Variants in HRK observed in about 807,000 individuals in gnomAD.
HRK encodes activator of apoptosis harakiri.
Under a neutral mutation model 5.9 loss-of-function variants are expected in HRK, and 6 were observed. That is an observed-to-expected ratio of 1.02 (90% CI 0.56 to 2.01). HRK has a LOEUF of 2.01. Ranked by LOEUF, HRK falls within the 30% of genes most tolerant of loss-of-function variation. The pLI, the probability that HRK is intolerant of heterozygous loss-of-function variation, is 0.00. For missense variants in HRK, 133 were observed against 128.3 expected, an observed-to-expected ratio of 1.04 and a Z score of -0.18; for synonymous variants, 85 against 65.1, an observed-to-expected ratio of 1.31 and a Z score of -1.47.
chr12:116,871,425 C>T (rs1878743726), intron 1 of HRK, among the ~76,000 whole-genome samples: 1 of 151,332 alleles, frequency 6.6e-6, no homozygotes, highest in African/African-American at 2.4e-5. Flanking sequence ...GCCTCAGCCT[C>T]CCAAGTAGCT....
intron 1 of HRK, among the ~76,000 whole-genome samples, chr12:116,873,612 A>G (rs1033226093): frequency 3.9e-5 from 6 of 151,978 alleles, no homozygotes; most frequent in Non-Finnish European, 7.4e-5. Context: ...GGCTCAAGCA[A>G]TCTTCCCACC....
rs1215534376 is a variant in HRK at position 116,856,243 on chromosome 12, G to A, written c.*5280C>T. 3 of 152,186 alleles carry A rather than the reference G, an allele frequency of 2.0e-5. No homozygotes were observed. Among genetic ancestry groups the A allele is most frequent in the Non-Finnish European group, 4.4e-5 (3 of 68,032 alleles). The allele number at this position is 152,186 out of a possible 1,614,324, so 9.4% of individuals were successfully genotyped here. On this transcript the variant is annotated 3_prime_UTR_variant, in exon 2 of 2. Coordinates refer to ENST00000257572, the MANE Select transcript of HRK (RefSeq NM_003806.4). The surrounding 1 kb of genome is among the most constrained non-coding windows in gnomAD (Gnocchi z 4.4). ...CTTACAAAAGAGCACAACGACGTCA[G>A]AACCAACAACGTCAGAACCCAGAAC...
rs1879150582 is a variant in HRK, at chr12:116,881,331, C to G, written c.-24G>C. ...ATGACCGCTGGCCTCGCTCCCGCCC[C>G]GCGCTCGGGCCGCCCCTCGCCTCCT... On this transcript the variant is annotated 5_prime_UTR_variant, in exon 1 of 2. Transcript: ENST00000257572. 7.5e-6 allele frequency: 8 copies of G among 1,063,430 alleles called. No homozygotes were observed. Among genetic ancestry groups the G allele is most frequent in the Non-Finnish European group, 7.9e-6 (7 of 881,816 alleles). 65.9% of individuals were successfully genotyped at this position (1,063,430 alleles called of 1,614,324 possible).
chr12:116,869,489 C>T (rs1878668507), intron 1 of HRK: 1 of 152,216 alleles, frequency 6.6e-6, no homozygotes, highest in South Asian at 2.1e-4. Flanking sequence ...ACATAGTGCT[C>T]CTCCAGCACA....
chr12:116,865,339 C>A (rs746542876), intron 1 of HRK, among the ~76,000 whole-genome samples: 31 of 151,944 alleles, frequency 2.0e-4, no homozygotes, highest in Non-Finnish European at 4.1e-4. Context: ...CCAGCCTGGG[C>A]AACATGGCAA....
intron 1 of HRK, among the ~76,000 whole-genome samples, chr12:116,869,952 C>T (rs1878686781): frequency 6.6e-6 from 1 of 152,074 alleles, no homozygotes; most frequent in South Asian, 2.1e-4. Flanking sequence ...TGGTGGTGGG[C>T]ACCTGTAATC....
chr12:116,880,696 GCTGAAGTCCT>G (rs1478427219), intron 1 of HRK, among the ~76,000 whole-genome samples: 2 of 152,098 alleles, frequency 1.3e-5, no homozygotes, highest in South Asian at 4.2e-4. Context: ...GATTATGGAG[GCTGAAGTCCT>G]CCGCAAGCCA....
Position 116,880,907 on chromosome 12 carries a change from T to A in HRK, c.*56+69A>T, listed in dbSNP as rs1334681925. 6.3e-6 allele frequency: 4 copies of A among 639,308 alleles called. No individual in the cohort carries two copies. The African/African-American group carries it at 7.8e-5, about 12-fold the overall frequency. 39.6% of individuals were successfully genotyped at this position (639,308 alleles called of 1,614,324 possible). A position where few individuals can be genotyped will look rare whatever the true frequency, so the allele number is the denominator to read the frequency against. ...AAAGCCAAACTTGCCACTCTCCCGC[T>A]CCCGGGCCAGCCCAGCGTCTCCAGT... On this transcript the variant is annotated intron_variant, in intron 1 of 1. Transcript: ENST00000257572.
chr12:116,874,570 C>T lies in HRK; in HGVS notation c.*56+6406G>A, dbSNP rs533354405. Among the ~76,000 whole-genome samples, 11 of 152,314 alleles carry T rather than the reference C, an allele frequency of 7.2e-5. No homozygotes were observed. The South Asian group carries it at 2.3e-3, about 32-fold the overall frequency. On this transcript the variant is annotated intron_variant, in intron 1 of 1. Coordinates refer to ENST00000257572, the MANE Select transcript of HRK (RefSeq NM_003806.4). ...AATATCTCCCATTCCACATGCTATT[C>T]TAGAACCTCACCACTCCCCCATGAG...
chr12:116,868,681 C>T (rs1878634559), intron 1 of HRK, among the ~76,000 whole-genome samples: 1 of 152,210 alleles, frequency 6.6e-6, no homozygotes, highest in African/African-American at 2.4e-5. Flanking sequence ...TTCATTCATT[C>T]ACCAGTTAGT....
Position 116,880,993 on chromosome 12 carries a change from T to C in HRK, c.*39A>G. The C allele has an allele frequency of 8.0e-7, 1 of 1,255,472 alleles. No individual in the cohort carries two copies. Among genetic ancestry groups the C allele is most frequent in the Non-Finnish European group, 1.0e-6 (1 of 988,732 alleles). The allele number at this position is 1,255,472 out of a possible 1,614,324, so 77.8% of individuals were successfully genotyped here. The stretch of plus-strand genomic sequence containing the variant: ...TCGCGTACCTGTTGCTCGCTCCGGC[T>C]GGGTCTCGGCTCCGGCCCCACCAAG... On this transcript the variant is annotated 3_prime_UTR_variant, in exon 1 of 2. Transcript: ENST00000257572.
rs369033217 is a variant in HRK at position 116,879,020 on chromosome 12, C to G, written c.*56+1956G>C. 9.8e-5 allele frequency: 15 copies of G among 152,528 alleles called. No individual in the cohort carries two copies. Among genetic ancestry groups the G allele is most frequent in the African/African-American group, 3.6e-4 (15 of 41,584 alleles). The allele number at this position is 152,528 out of a possible 1,614,324, so 9.4% of individuals were successfully genotyped here. ...GCAGAGCGGCGCAATCTGCCCGCCCCGCCCGCAGCCTCCCCTTCCAGGCCC... is the reference window on the plus strand; with the variant it reads ...GCAGAGCGGCGCAATCTGCCCGCCCGGCCCGCAGCCTCCCCTTCCAGGCCC... On this transcript the variant is annotated intron_variant, in intron 1 of 1. Coordinates refer to ENST00000257572, the MANE Select transcript of HRK (RefSeq NM_003806.4). The surrounding 1 kb of genome is among the most constrained non-coding windows in gnomAD (Gnocchi z 5.6).
In HRK at chr12:116,859,087, T is replaced by A. The variant is rs1280994626; in HGVS notation, c.*2436A>T. 6.6e-6 allele frequency: 1 copy of A among 152,108 alleles called. No homozygotes were observed. Among genetic ancestry groups the A allele is most frequent in the Admixed American group, 6.6e-5 (1 of 15,266 alleles). The allele number at this position is 152,108 out of a possible 1,614,324, so 9.4% of individuals were successfully genotyped here. On this transcript the variant is annotated 3_prime_UTR_variant, in exon 2 of 2. Transcript: ENST00000257572. ...CGTGGTCTCTAATAAAACAGGAGAA[T>A]ATCTACAAGGGACTTGGCTGAGAAG... is the stretch of plus-strand genomic sequence containing the variant.
intron 1 of HRK, among the ~76,000 whole-genome samples, chr12:116,868,190 A>C (rs977634416): frequency 6.6e-6 from 1 of 151,950 alleles, no homozygotes; most frequent in Non-Finnish European, 1.5e-5. Flanking sequence ...TGCTGGGCTC[A>C]AGTGATCCTC....
intron 1 of HRK, among the ~76,000 whole-genome samples, chr12:116,864,922 G>A (rs1006769209): frequency 6.6e-6 from 1 of 152,128 alleles, no homozygotes; most frequent in Non-Finnish European, 1.5e-5. Flanking sequence ...AACTTGGCTC[G>A]TAAAGAATTT....
intron 1 of HRK, among the ~76,000 whole-genome samples, chr12:116,865,096 T>A (rs942146033): frequency 2.0e-5 from 3 of 152,188 alleles, no homozygotes; most frequent in Admixed American, 6.5e-5. Context: ...GCTGCAGTGA[T>A]GTTGTGCCGC....
At chr12:116,866,524 G>C (rs1878553219) in intron 1 of HRK, among the ~76,000 whole-genome samples, 1 of 152,126 alleles carries the variant, frequency 6.6e-6, no homozygotes, top group African/African-American at 2.4e-5. Context: ...AGGAAGCTGA[G>C]TGCACAGGAG....
In HRK at chr12:116,881,171, T is replaced by A; in HGVS notation, c.137A>T (p.Gln46Leu). 8.6e-7 allele frequency: 1 copy of A among 1,168,376 alleles called. No individual in the cohort carries two copies. The highest frequency in any genetic ancestry group is 1.1e-6 in the Non-Finnish European group (1 of 949,636). 72.4% of individuals were successfully genotyped at this position (1,168,376 alleles called of 1,614,324 possible). The change falls in exon 1 of 2, where the codon CAG becomes CTG. Residue 46 changes from glutamine to leucine, a missense_variant. Coordinates refer to ENST00000257572, the MANE Select transcript of HRK (RefSeq NM_003806.4). The part of the protein sequence containing the change: ...RLKALGDELH[Q>L]RTMWRRRARS... ...CGCGCGGCGCCGCCACATGGTGCGC[T>A]GGTGCAGCTCGTCGCCTAGCGCCTT...
At position 116,858,135 on chromosome 12, in the gene HRK, A is replaced by AAC. The variant is rs57702881; in HGVS notation, c.*3387_*3388insGT. ...AGGCGGCTAAAAAAAAAAAAAAAAA[A>AAC]CGAACAAAAAAACAGGAACTGGGCT... On this transcript the variant is annotated 3_prime_UTR_variant, in exon 2 of 2. Transcript: ENST00000257572. The AAC allele has an allele frequency of 6.9e-6, 1 of 145,564 alleles. No individual in the cohort carries two copies. The highest frequency in any genetic ancestry group is 1.5e-5 in the Non-Finnish European group (1 of 65,822). The allele number at this position is 145,564 out of a possible 1,614,324, so 9.0% of individuals were successfully genotyped here.
Sources: gnomAD v4.1 joint callset for allele counts (sites outside exome capture counted in the v4.1 genomes callset) on GRCh38, gnomAD v4.1.1 for gene constraint, Gnocchi (gnomAD v3.1) non-coding constraint, MANE v1.5 for transcripts, NCBI Gene and HGNC (gene_info 2026-07-23, HGNC 2026-07-21) for gene names.